The following SIM1 variants were observed in gnomAD, a reference collection of about 807,000 sequenced individuals.
SIM1 encodes the protein single-minded homolog 1.
In SIM1, 18 loss-of-function variants were observed where a neutral mutation model predicts 78.2. That is an observed-to-expected ratio of 0.23 (90% CI 0.16 to 0.34). SIM1 has a LOEUF of 0.34. Among genes scored for constraint, SIM1 ranks in the 10% least tolerant of loss-of-function variants. The pLI is 1.00. For synonymous variants in SIM1, 417 were observed against 385.2 expected, an observed-to-expected ratio of 1.08 and a Z score of -0.97; for missense variants, 939 against 975.1, an observed-to-expected ratio of 0.96 and a Z score of 0.49.
chr6:100,402,567 CTTTTTTTTTTTTT>C (rs869130841), intron 10 of SIM1, among the ~76,000 whole-genome samples: 2 of 76,336 alleles, frequency 2.6e-5, no homozygotes, highest in Admixed American at 1.7e-4. Context: ...TTTCTTTTCT[CTTTTTTTTTTTTT>C]TTTTTTTTTT....
rs150442489 is a variant in SIM1, at chr6:100,436,788, G to T, written c.998+10480C>A. The stretch of plus-strand genomic sequence containing the variant: ...GGCCTCTTGCTCTGTCACCAGGCTG[G>T]AGTGCAGTGACACGATCTTGGCTCA... On this transcript the variant is annotated intron_variant, in intron 9 of 11. Transcript: ENST00000369208. Among the ~76,000 whole-genome samples, 64 of 147,850 alleles carry T rather than the reference G, an allele frequency of 4.3e-4. No homozygotes were observed. In the East Asian group the frequency reaches 0.012, roughly 28 times the overall value.
At chr6:100,439,491 A>G (rs117003629) in intron 9 of SIM1, among the ~76,000 whole-genome samples, 2 of 152,118 alleles carry the variant, frequency 1.3e-5, no homozygotes, top group African/African-American at 4.8e-5. Context: ...CTATTTCACC[A>G]ACTAAATTGT....
intron 2 of SIM1, among the ~76,000 whole-genome samples, chr6:100,456,880 C>A (rs1013463749): frequency 1.3e-5 from 2 of 152,184 alleles, no homozygotes; most frequent in Non-Finnish European, 2.9e-5. Context: ...GGACTGACTG[C>A]ACGGGTTTTG....
At chr6:100,391,196 T>C (rs1770630354) in intron 11 of SIM1, 105 bp from the exon 12 acceptor site, 14 of 1,225,434 alleles carry the variant, frequency 1.1e-5, no homozygotes, top group Non-Finnish European at 1.5e-5. Context: ...TCATTTTTAA[T>C]ATATGCACCA....
intron 10 of SIM1, among the ~76,000 whole-genome samples, chr6:100,417,902 T>C (rs1168803470): frequency 6.6e-6 from 1 of 152,212 alleles, no homozygotes; most frequent in Admixed American, 6.5e-5. Context: ...GTAAACTTAA[T>C]TTACGACTGT....
At chr6:100,422,362 C>A (rs1411720521) in intron 9 of SIM1, among the ~76,000 whole-genome samples, 2 of 152,068 alleles carry the variant, frequency 1.3e-5, no homozygotes, top group East Asian at 3.9e-4. Flanking sequence ...CACCACAACA[C>A]CTGGCTAATT....
chr6:100,454,990 G>T (rs1384055941), intron 2 of SIM1, among the ~76,000 whole-genome samples: 1 of 152,000 alleles, frequency 6.6e-6, no homozygotes, highest in Non-Finnish European at 1.5e-5. Flanking sequence ...CCACCCCTCA[G>T]AAAGGTGATT....
chr6:100,459,630 G>A (rs1331628729), intron 2 of SIM1, among the ~76,000 whole-genome samples: 2 of 152,148 alleles, frequency 1.3e-5, no homozygotes, highest in Admixed American at 6.5e-5. Flanking sequence ...AACCATCTGT[G>A]GAAGTTTGTT....
chr6:100,458,444 G>A lies in SIM1; in HGVS notation c.176-4600C>T, dbSNP rs1182646098. 3.3e-5 allele frequency among the ~76,000 whole-genome samples: 5 copies of A among 152,268 alleles called. No homozygotes were observed. The East Asian group carries it at 7.8e-4, about 24-fold the overall frequency. On this transcript the variant is annotated intron_variant, in intron 2 of 11. Transcript: ENST00000369208. Reference sequence around the variant, plus strand: ...CACCTAACCCGCCTTCCCGGGAACTGCCCAAACAGACTGGATCTGGACCTA... The same window carrying A: ...CACCTAACCCGCCTTCCCGGGAACTACCCAAACAGACTGGATCTGGACCTA...
At chr6:100,412,206 A>G (rs1424341130) in intron 10 of SIM1, among the ~76,000 whole-genome samples, 10 of 152,044 alleles carry the variant, frequency 6.6e-5, no homozygotes, top group Non-Finnish European at 1.5e-4. Context: ...GACACGGGCA[A>G]TGGGGGAAAG....
At chr6:100,415,867 G>A (rs1771385834) in intron 10 of SIM1, among the ~76,000 whole-genome samples, 1 of 152,108 alleles carries the variant, frequency 6.6e-6, no homozygotes, top group Non-Finnish European at 1.5e-5. Flanking sequence ...GAGGTGGTGG[G>A]AAAGTCTCTT....
chr6:100,440,865 C>A (rs1772194760), intron 9 of SIM1, among the ~76,000 whole-genome samples: 1 of 152,076 alleles, frequency 6.6e-6, no homozygotes, highest in Non-Finnish European at 1.5e-5. Flanking sequence ...CCCCCCACCA[C>A]ACACACATCT....
chr6:100,393,392 G>T, intron 11 of SIM1, 95 bp downstream of exon 11: 1 of 1,075,096 alleles, frequency 9.3e-7, no homozygotes, highest in Non-Finnish European at 1.2e-6. Context: ...AATCAAAGAA[G>T]ATAACTATTT....
intron 10 of SIM1, among the ~76,000 whole-genome samples, chr6:100,402,673 G>A (rs565987): frequency 0.99 from 148,358 of 150,246 alleles, 73,257 homozygotes; most frequent in East Asian, 1. Flanking sequence ...CGCCTCCCGG[G>A]TTCACGCCAT....
chr6:100,457,585 G>T (rs1772701830), intron 2 of SIM1, among the ~76,000 whole-genome samples: 1 of 152,270 alleles, frequency 6.6e-6, no homozygotes, highest in African/African-American at 2.4e-5. Context: ...GAGGCGTCGA[G>T]TGGCCTTCGT....
intron 9 of SIM1, among the ~76,000 whole-genome samples, chr6:100,424,452 T>C (rs1465096372): frequency 2.0e-5 from 3 of 152,114 alleles, no homozygotes; most frequent in Non-Finnish European, 4.4e-5. Flanking sequence ...TTTGTTTTGT[T>C]TGAGACAGGG....
chr6:100,441,044 T>C (rs188548995), intron 9 of SIM1, among the ~76,000 whole-genome samples: 3 of 152,316 alleles, frequency 2.0e-5, no homozygotes, highest in Admixed American at 6.5e-5. Context: ...TTCTACAATG[T>C]GAGTCAAAGA....
rs1268271111 is a variant in SIM1, at chr6:100,393,757, A to C, written c.1300T>G (p.Cys434Gly). Reference protein sequence around the residue: ...DRPGSQHDASCAYRQFSDRSS... With the variant: ...DRPGSQHDASGAYRQFSDRSS... The stretch of plus-strand genomic sequence containing the variant: ...CGGTCCGAAAACTGTCTGTAGGCGC[A>C]CGATGCGTCGTGCTGGGAGCCAGGC... Residue 434 changes from cysteine to glycine, a missense_variant, in exon 11 of 12, where the codon TGC (cysteine) becomes GGC (glycine). Physicochemically the swap from Cys to Gly is radical, Grantham distance 159. Coordinates refer to ENST00000369208, the MANE Select transcript of SIM1 (RefSeq NM_005068.3). 1.9e-6 allele frequency: 3 copies of C among 1,614,126 alleles called. No individual in the cohort carries two copies. The highest frequency in any genetic ancestry group is 1.3e-5 in the African/African-American group (1 of 74,956).
chr6:100,449,510 C>A (rs1772455676), intron 5 of SIM1, 62 bp from the exon 6 acceptor site: 2 of 1,576,544 alleles, frequency 1.3e-6, no homozygotes, highest in Non-Finnish European at 1.7e-6. Context: ...GGACAGCACG[C>A]GTCTCTGCCA....
Sources: allele counts gnomAD v4.1 joint callset (sites outside exome capture counted in the v4.1 genomes callset), GRCh38; gene constraint gnomAD v4.1.1; transcripts MANE v1.5; gene names NCBI Gene and HGNC (gene_info 2026-07-23, HGNC 2026-07-21).